COBL: variants seen among roughly 807,000 people sequenced by gnomAD.
COBL encodes the protein cordon-bleu WH2 repeat protein.
In COBL, 51 loss-of-function variants were observed where a neutral mutation model predicts 98.8. The ratio of observed to expected loss-of-function variants is 0.52; its 90% CI spans 0.41 to 0.65. The LOEUF (loss-of-function observed/expected upper bound fraction) is 0.65, where lower values mean the gene tolerates loss of function less well. Ranked by LOEUF, COBL falls within the 30% of genes least tolerant of loss-of-function variation. The pLI, the probability that COBL is intolerant of heterozygous loss-of-function variation, is 0.00. For missense variants in COBL, 1,617 were observed against 1,617.5 expected (o/e 1.00, Z 0.01); for synonymous variants, 634 against 651.7 (o/e 0.97, Z 0.41).
intron 2 of COBL, among the ~76,000 whole-genome samples, chr7:51,200,947 G>T (rs1466441182): frequency 6.6e-6 from 1 of 152,018 alleles, no homozygotes; most frequent in Non-Finnish European, 1.5e-5. Flanking sequence ...CATGAAAAAG[G>T]TTAAAGAAAG....
intron 1 of COBL, among the ~76,000 whole-genome samples, chr7:51,251,877 C>G (rs1584310735): frequency 6.6e-6 from 1 of 152,154 alleles, no homozygotes; most frequent in South Asian, 2.1e-4. Context: ...CACACACACA[C>G]AACCATTTTT....
At chr7:51,025,022 C>G (rs924569116) in intron 12 of COBL, 87 bp downstream of exon 12, 57 of 1,577,490 alleles carry the variant, frequency 3.6e-5, no homozygotes, top group Non-Finnish European at 4.9e-5. Flanking sequence ...CTCGCAGCTC[C>G]TGCCCACAGG....
chr7:51,017,663 GCAATA>G lies in COBL; in HGVS notation c.3769-100_3769-96del, dbSNP rs1786405282. ...GAGAGCTCTGTGCACAGCCACTCTT[GCAATA>G]GTACTCCTGGAACCCCCTTCCCAGT... On this transcript the variant is annotated intron_variant, in intron 12 of 12. Coordinates refer to ENST00000265136, the MANE Select transcript of COBL (RefSeq NM_015198.5). 1.4e-5 allele frequency: 18 copies of G among 1,280,220 alleles called. No individual in the cohort carries two copies. In the South Asian group the frequency reaches 2.1e-4, roughly 15 times the overall value. 79.3% of individuals were successfully genotyped at this position (1,280,220 alleles called of 1,614,324 possible).
chr7:51,294,183 C>G (rs1430229299), intron 1 of COBL, among the ~76,000 whole-genome samples: 1 of 151,352 alleles, frequency 6.6e-6, no homozygotes, highest in African/African-American at 2.4e-5. Context: ...CCCAGCTACT[C>G]AGGAGGCTGA....
rs769752944 is a variant in COBL at position 51,025,147 on chromosome 7, C to T, written c.3730G>A (p.Ala1244Thr). 16 of 1,611,178 alleles carry T rather than the reference C, an allele frequency of 9.9e-6. No homozygotes were observed. In the East Asian group the frequency reaches 1.6e-4, roughly 16 times the overall value. Residue 1244 changes from alanine (A) to threonine (T), a missense_variant, in exon 12 of 13, where the codon GCC becomes ACC. Around this residue, in one of 3 missense-constraint regions of COBL, gnomAD observed 1,304 missense variants for 1,282.0 expected, o/e 1.02. Coordinates refer to ENST00000265136, the MANE Select transcript of COBL (RefSeq NM_015198.5). ...TADARQALMD[A>T]IRSGTGAARL... ...GCAGCCCCTGTGCCGGAGCGGATGG[C>T]GTCCATCAAGGCTTGCCTTGCGTCT...
At chr7:51,135,846 C>A (rs983097131) in intron 6 of COBL, among the ~76,000 whole-genome samples, 9 of 152,126 alleles carry the variant, frequency 5.9e-5, no homozygotes, top group Admixed American at 2.0e-4. Context: ...AAATCTCAGT[C>A]CAGGGAAGAA....
intron 7 of COBL, chr7:51,073,292 G>A (rs1047315551): frequency 4.5e-6 from 3 of 670,162 alleles, no homozygotes; most frequent in South Asian, 1.6e-5. Context: ...ATCAGAGCCA[G>A]GGCAGAAGAG....
chr7:51,230,307 C>T (rs976142107), intron 1 of COBL, among the ~76,000 whole-genome samples: 1 of 152,216 alleles, frequency 6.6e-6, no homozygotes, highest in Non-Finnish European at 1.5e-5. Flanking sequence ...ACTGCCTCTC[C>T]TGCCTCTCCA....
intron 2 of COBL, among the ~76,000 whole-genome samples, chr7:51,212,437 T>A (rs1210590103): frequency 6.6e-6 from 1 of 152,296 alleles, no homozygotes; most frequent in South Asian, 2.1e-4. Flanking sequence ...CAAGTCCTAC[T>A]TCCATTTCCA....
chr7:51,118,300 G>A (rs571749437), intron 6 of COBL, among the ~76,000 whole-genome samples: 1 of 152,160 alleles, frequency 6.6e-6, no homozygotes, highest in Non-Finnish European at 1.5e-5. Flanking sequence ...GCATGGCTTA[G>A]CCGGGTCCTC....
chr7:51,308,464 T>C (rs891715383), intron 1 of COBL, among the ~76,000 whole-genome samples: 7 of 73,534 alleles, frequency 9.5e-5, no homozygotes, highest in Admixed American at 4.0e-4. Flanking sequence ...GGTTTTCCCA[T>C]TATGTTCCTT....
chr7:51,073,285 A>G (rs749811438), intron 7 of COBL: 49 of 641,536 alleles, frequency 7.6e-5, no homozygotes, highest in Non-Finnish European at 1.3e-4. Context: ...CAGGAAAATC[A>G]GAGCCAGGGC....
chr7:51,110,258 C>T (rs193038681), intron 6 of COBL, among the ~76,000 whole-genome samples: 10 of 152,114 alleles, frequency 6.6e-5, no homozygotes, highest in African/African-American at 2.2e-4. Context: ...CTCTTCCTCC[C>T]TCTCCCCTCC....
At chr7:51,287,557 G>C (rs898197358) in intron 1 of COBL, among the ~76,000 whole-genome samples, 7 of 152,134 alleles carry the variant, frequency 4.6e-5, no homozygotes, top group African/African-American at 1.7e-4. Flanking sequence ...AGACACTCTG[G>C]GAAACCATTT....
At chr7:51,182,105 A>AATT (rs1789026326) in intron 5 of COBL, among the ~76,000 whole-genome samples, 1 of 152,136 alleles carries the variant, frequency 6.6e-6, no homozygotes, top group Non-Finnish European at 1.5e-5. Flanking sequence ...CTTGAGGTCT[A>AATT]AGGGTGAGGA....
At chr7:51,191,429 A>AG (rs1317902761) in intron 3 of COBL, among the ~76,000 whole-genome samples, 1 of 152,108 alleles carries the variant, frequency 6.6e-6, no homozygotes, top group African/African-American at 2.4e-5. Flanking sequence ...CTAAAAAAAA[A>AG]AGTTTGGAAG....
intron 6 of COBL, among the ~76,000 whole-genome samples, chr7:51,100,940 C>T (rs529194250): frequency 4.6e-5 from 7 of 151,618 alleles, no homozygotes; most frequent in East Asian, 1.9e-4. Flanking sequence ...CAAAAAAAAA[C>T]GCAGCAGCAG....
chr7:51,299,736 C>T (rs989380540), intron 1 of COBL, among the ~76,000 whole-genome samples: 6 of 152,170 alleles, frequency 3.9e-5, no homozygotes, highest in Non-Finnish European at 7.3e-5. Flanking sequence ...CAGTGTCCTC[C>T]TCTTCAAGAA....
At chr7:51,193,290 T>C (rs575041567) in intron 3 of COBL, 89 bp downstream of exon 3, 5 of 1,183,118 alleles carry the variant, frequency 4.2e-6, no homozygotes, top group South Asian at 4.1e-5. Context: ...CTCTCTGCAC[T>C]GTACTTTGAT....
Sources: allele counts gnomAD v4.1 joint callset (sites outside exome capture counted in the v4.1 genomes callset), GRCh38; gene constraint gnomAD v4.1.1; regional missense constraint gnomAD v4.1.1; transcripts MANE v1.5; gene names NCBI Gene and HGNC (gene_info 2026-07-23, HGNC 2026-07-21).